HMGCLL1: variants seen among roughly 807,000 people sequenced by gnomAD.
The protein encoded by HMGCLL1 is 3-hydroxy-3-methylglutaryl-CoA lyase like 1, also known as 3-hydroxymethyl-3-methylglutaryl-CoA lyase, cytoplasmic.
HMGCLL1 carries 36 observed loss-of-function variants against 39.1 expected under a neutral mutation model. The ratio of observed to expected loss-of-function variants is 0.92; its 90% CI spans 0.71 to 1.22. The LOEUF is 1.22. Ranked by LOEUF, HMGCLL1 falls within the 50% of genes most tolerant of loss-of-function variation. The pLI is 0.00. For synonymous variants in HMGCLL1, 149 were observed against 144.0 expected (o/e 1.03, Z -0.25); for missense variants, 451 against 416.5 (o/e 1.08, Z -0.72).
intron 5 of HMGCLL1, among the ~76,000 whole-genome samples, chr6:55,500,005 AT>A (rs1766790679): frequency 6.6e-6 from 1 of 152,098 alleles, no homozygotes; most frequent in South Asian, 2.1e-4. Flanking sequence ...TGCTTTAGCT[AT>A]TTCCAGCTCA....
Position 55,541,752 on chromosome 6 carries a change from C to T in HMGCLL1, c.274G>A (p.Val92Met), listed in dbSNP as rs1448634197. The change falls in exon 3 of 9, where the codon GTG becomes ATG. Residue 92 changes from valine to methionine, a missense_variant. By Grantham distance (21) the Val-to-Met change is conservative. Coordinates refer to ENST00000274901, the MANE Select transcript of HMGCLL1 (RefSeq NM_001042406.2). ...ACCTGTGGTACCCATCTGGAAGACA[C>T]AAAGCTAGTCACTTCTATTACAGAC... ...GLSVIEVTSFVSSRWVPQMAD... is the reference protein window; with the variant it reads ...GLSVIEVTSFMSSRWVPQMAD... The T allele has an allele frequency of 6.3e-7, 1 of 1,598,342 alleles. No individual in the cohort carries two copies.
chr6:55,481,017 G>A (rs1374707142), intron 7 of HMGCLL1, among the ~76,000 whole-genome samples: 2 of 151,784 alleles, frequency 1.3e-5, no homozygotes, highest in Admixed American at 1.3e-4. Flanking sequence ...ATGGTTAATG[G>A]GTATAAAAAT....
intron 1 of HMGCLL1, among the ~76,000 whole-genome samples, chr6:55,565,030 T>C (rs1201717416): frequency 2.0e-5 from 3 of 152,196 alleles, no homozygotes; most frequent in East Asian, 1.9e-4. Context: ...CTTAAAGTGA[T>C]AGCTTAATCT....
chr6:55,608,497 C>G, the HMGCLL1 span, among the ~76,000 whole-genome samples: 1 of 152,020 alleles, frequency 6.6e-6, no homozygotes, highest in Non-Finnish European at 1.5e-5. Flanking sequence ...GGAAAAAAAA[C>G]AGGCTAATCG....
At chr6:55,627,424 C>T in the HMGCLL1 span, among the ~76,000 whole-genome samples, 4 of 151,986 alleles carry the variant, frequency 2.6e-5, no homozygotes, top group South Asian at 6.2e-4. Context: ...TAATTATAAC[C>T]TCATTATTGT....
chr6:55,462,743 T>G (rs975609002), intron 7 of HMGCLL1, among the ~76,000 whole-genome samples: 4 of 152,174 alleles, frequency 2.6e-5, no homozygotes, highest in African/African-American at 9.7e-5. Flanking sequence ...TTAAACTAAT[T>G]ATACAAACTT....
chr6:55,520,800 C>T (rs146345424), intron 3 of HMGCLL1, among the ~76,000 whole-genome samples: 32 of 151,742 alleles, frequency 2.1e-4, no homozygotes, highest in African/African-American at 7.5e-4. Flanking sequence ...TGATAAAAAT[C>T]CTCATGATTT....
At chr6:55,621,843 G>A in the HMGCLL1 span, among the ~76,000 whole-genome samples, 1 of 151,886 alleles carries the variant, frequency 6.6e-6, no homozygotes, top group East Asian at 1.9e-4. Context: ...AGATATACTA[G>A]CTGTCTGTCT....
Position 55,439,499 on chromosome 6 carries a change from C to T in HMGCLL1, c.856G>A (p.Gly286Ser), listed in dbSNP as rs773428478. The part of the protein sequence containing the change: ...SGLGGCPYAK[G>S]ASGNVATEDL... ...TCAGTGGCTACATTCCCAGAAGCAC[C>T]TTTTGCATAAGGGCAGCCACCTAAT... Residue 286 changes from glycine (G) to serine (S), a missense_variant, in exon 8 of 9, where the codon GGT (glycine) becomes AGT (serine). Physicochemically the swap from Gly to Ser is moderately conservative, Grantham distance 56. Transcript: ENST00000274901. 2 of 1,612,928 alleles carry T rather than the reference C, an allele frequency of 1.2e-6. No individual in the cohort carries two copies. The highest frequency in any genetic ancestry group is 1.7e-5 in the Admixed American group (1 of 59,894).
chr6:55,638,960 G>T, the HMGCLL1 span, among the ~76,000 whole-genome samples: 1,229 of 152,140 alleles, frequency 8.1e-3, 12 homozygotes, highest in Non-Finnish European at 0.011. Context: ...CCTAGCAGCA[G>T]CCCAGGCAAA....
At chr6:55,658,322 A>T in the HMGCLL1 span, among the ~76,000 whole-genome samples, 1 of 152,076 alleles carries the variant, frequency 6.6e-6, no homozygotes, top group Admixed American at 6.6e-5. Context: ...TTCTACATAA[A>T]ATTGTTGCTG....
the HMGCLL1 span, among the ~76,000 whole-genome samples, chr6:55,619,083 C>T: frequency 6.6e-6 from 1 of 151,934 alleles, no homozygotes; most frequent in East Asian, 1.9e-4. Context: ...GTCAGCAGGC[C>T]TCCAGAGCAA....
At chr6:55,542,004 C>A in intron 2 of HMGCLL1, 56 bp downstream of exon 2, 3 of 1,181,106 alleles carry the variant, frequency 2.5e-6, no homozygotes, top group East Asian at 4.9e-5. Flanking sequence ...TAAATCTTTA[C>A]AATCTTAAAT....
the HMGCLL1 span, among the ~76,000 whole-genome samples, chr6:55,632,276 T>C: frequency 6.6e-6 from 1 of 151,932 alleles, no homozygotes; most frequent in African/African-American, 2.4e-5. Flanking sequence ...AAGAAACTTG[T>C]ACTCAATTAC....
chr6:55,507,428 C>G (rs569531622), intron 5 of HMGCLL1, among the ~76,000 whole-genome samples: 1 of 151,694 alleles, frequency 6.6e-6, no homozygotes. Flanking sequence ...AGCCCTCAAA[C>G]TAAACCCAAC....
intron 3 of HMGCLL1, among the ~76,000 whole-genome samples, chr6:55,540,696 A>AT (rs1769381520): frequency 6.6e-6 from 1 of 152,130 alleles, no homozygotes; most frequent in Non-Finnish European, 1.5e-5. Flanking sequence ...TAAAATCCAG[A>AT]TTTTAAAGGA....
chr6:55,660,611 C>A, the HMGCLL1 span, among the ~76,000 whole-genome samples: 1 of 151,934 alleles, frequency 6.6e-6, no homozygotes. Context: ...TTTATTCAAT[C>A]TTTCATTGAT....
the HMGCLL1 span, among the ~76,000 whole-genome samples, chr6:55,666,109 A>G: frequency 2.0e-4 from 31 of 151,752 alleles, no homozygotes; most frequent in Non-Finnish European, 3.7e-4. Flanking sequence ...CTTTTCCCCT[A>G]CAGGAATGTA....
At chr6:55,518,257 A>C (rs1767850539) in intron 3 of HMGCLL1, among the ~76,000 whole-genome samples, 1 of 86,948 alleles carries the variant, frequency 1.2e-5, no homozygotes, top group Admixed American at 1.3e-4. Context: ...CAATTCAAAG[A>C]AATATACTGG....
Sources: gnomAD v4.1 joint callset for allele counts (sites outside exome capture counted in the v4.1 genomes callset) on GRCh38, gnomAD v4.1.1 for gene constraint, MANE v1.5 for transcripts, NCBI Gene and HGNC (gene_info 2026-07-23, HGNC 2026-07-21) for gene names.